CA10: variants seen among roughly 807,000 people sequenced by gnomAD.
CA10 encodes the protein carbonic anhydrase 10 (inactive).
Under a neutral mutation model 44.2 loss-of-function variants are expected in CA10, and 14 were observed. The ratio of observed to expected loss-of-function variants is 0.32; its 90% CI spans 0.21 to 0.50. CA10 has a LOEUF of 0.50. Ranked by LOEUF, CA10 falls within the 20% of genes least tolerant of loss-of-function variation. The probability of loss-of-function intolerance (pLI) is 0.99; values close to 1 mark genes in which losing one functional copy is unlikely to be tolerated. For synonymous variants in CA10, 159 were observed against 141.6 expected (o/e 1.12, Z -0.87); for missense variants, 350 against 409.7 (o/e 0.85, Z 1.26).
chr17:52,006,202 C>A (rs1598162617), intron 2 of CA10, among the ~76,000 whole-genome samples: 1 of 151,708 alleles, frequency 6.6e-6, no homozygotes, highest in African/African-American at 2.4e-5. Flanking sequence ...ACTAGCAGTT[C>A]CTACAGAAGG....
intron 2 of CA10, among the ~76,000 whole-genome samples, chr17:52,063,091 C>G (rs1003846367): frequency 4.7e-4 from 72 of 152,218 alleles, no homozygotes; most frequent in African/African-American, 1.6e-3. Context: ...TATTTTGGAG[C>G]TTTAAGATTT....
At chr17:51,913,509 A>G (rs551171504) in intron 3 of CA10, among the ~76,000 whole-genome samples, 2 of 152,054 alleles carry the variant, frequency 1.3e-5, no homozygotes, top group Non-Finnish European at 2.9e-5. Flanking sequence ...CTTCTGGGAA[A>G]CTCGAAAGAA....
intron 3 of CA10, among the ~76,000 whole-genome samples, chr17:51,863,876 G>T (rs911765141): frequency 1.4e-4 from 21 of 152,130 alleles, no homozygotes; most frequent in African/African-American, 4.8e-4. Context: ...CTGCCAACCG[G>T]GAAAGCTCAC....
At chr17:51,990,617 C>A (rs895472374) in intron 2 of CA10, among the ~76,000 whole-genome samples, 10 of 152,024 alleles carry the variant, frequency 6.6e-5, no homozygotes, top group African/African-American at 2.4e-4. Flanking sequence ...AATTAGTGAT[C>A]CTCTTTTCAG....
intron 3 of CA10, among the ~76,000 whole-genome samples, chr17:51,832,386 A>G (rs1386650035): frequency 6.6e-6 from 1 of 152,204 alleles, no homozygotes; most frequent in African/African-American, 2.4e-5. Context: ...GAGGTAGTTG[A>G]TACCATGTGT....
Position 51,836,121 on chromosome 17 carries a change from T to C in CA10, c.280-88303A>G, listed in dbSNP as rs1289716255. On this transcript the variant is annotated intron_variant, in intron 3 of 8. Transcript: ENST00000451037. ...TCATCAATATACCTGTCAGTGCAGGTTTATGTTTCCATACACACTTTTCAT... is the reference window on the plus strand; with the variant it reads ...TCATCAATATACCTGTCAGTGCAGGCTTATGTTTCCATACACACTTTTCAT... Among the ~76,000 whole-genome samples, 7 of 152,142 alleles carry C rather than the reference T, an allele frequency of 4.6e-5. No homozygotes were observed. In the East Asian group the frequency reaches 1.4e-3, roughly 29 times the overall value.
chr17:51,795,472 A>G (rs552696859), intron 3 of CA10, among the ~76,000 whole-genome samples: 9 of 152,352 alleles, frequency 5.9e-5, no homozygotes, highest in African/African-American at 1.9e-4. Flanking sequence ...AGAGAAAAGG[A>G]AACACATTTT....
At chr17:51,884,630 C>A (rs1341833557) in intron 3 of CA10, among the ~76,000 whole-genome samples, 3 of 152,178 alleles carry the variant, frequency 2.0e-5, no homozygotes, top group African/African-American at 7.2e-5. Flanking sequence ...TTCTTCATAG[C>A]ACTTAGTACA....
At chr17:51,794,397 G>A (rs1264356552) in intron 3 of CA10, among the ~76,000 whole-genome samples, 1 of 152,176 alleles carries the variant, frequency 6.6e-6, no homozygotes, top group Non-Finnish European at 1.5e-5. Flanking sequence ...GCTAATTGTG[G>A]TTGAGGTGGA....
At chr17:51,936,311 A>G (rs1346862932) in intron 2 of CA10, among the ~76,000 whole-genome samples, 2 of 152,116 alleles carry the variant, frequency 1.3e-5, no homozygotes, top group African/African-American at 4.8e-5. Flanking sequence ...CTATATGTCT[A>G]TCTGTGTAAA....
chr17:52,000,021 T>C (rs1356988932), intron 2 of CA10, among the ~76,000 whole-genome samples: 1 of 152,104 alleles, frequency 6.6e-6, no homozygotes, highest in Non-Finnish European at 1.5e-5. Context: ...TCTGGCTCTA[T>C]GGTGAAAATG....
chr17:51,742,214 G>C (rs1904493245), intron 4 of CA10, among the ~76,000 whole-genome samples: 1 of 152,188 alleles, frequency 6.6e-6, no homozygotes, highest in Admixed American at 6.5e-5. Context: ...TCAGAGTAGA[G>C]GGAGCAGCTT....
At chr17:52,037,525 T>A (rs1319447774) in intron 2 of CA10, among the ~76,000 whole-genome samples, 1 of 152,016 alleles carries the variant, frequency 6.6e-6, no homozygotes, top group Non-Finnish European at 1.5e-5. Flanking sequence ...GCATATAAGG[T>A]AAAAGGGGAT....
At chr17:52,065,064 T>C (rs1987496876) in intron 2 of CA10, among the ~76,000 whole-genome samples, 1 of 152,204 alleles carries the variant, frequency 6.6e-6, no homozygotes, top group Admixed American at 6.5e-5. Flanking sequence ...ATTTTGCACT[T>C]GTCACTTTGC....
chr17:51,946,342 A>G (rs2144025179), intron 2 of CA10, among the ~76,000 whole-genome samples: 1 of 152,306 alleles, frequency 6.6e-6, no homozygotes, highest in Non-Finnish European at 1.5e-5. Flanking sequence ...GACGTATGTT[A>G]ATTAACTTGA....
intron 4 of CA10, among the ~76,000 whole-genome samples, chr17:51,678,294 G>T (rs951983346): frequency 6.6e-6 from 1 of 152,118 alleles, no homozygotes; most frequent in Non-Finnish European, 1.5e-5. Context: ...GATAAATGTG[G>T]TTGCATAACA....
intron 4 of CA10, among the ~76,000 whole-genome samples, chr17:51,718,485 C>G (rs1916247708): frequency 6.6e-6 from 1 of 152,274 alleles, no homozygotes; most frequent in Non-Finnish European, 1.5e-5. Flanking sequence ...GGAGAGGGCA[C>G]AGAAGCTCCT....
intron 2 of CA10, among the ~76,000 whole-genome samples, chr17:52,004,928 A>G (rs1985546701): frequency 6.6e-6 from 1 of 151,944 alleles, no homozygotes; most frequent in African/African-American, 2.4e-5. Flanking sequence ...TCAGACATCC[A>G]AAGCTAGGTC....
intron 1 of CA10, among the ~76,000 whole-genome samples, chr17:52,108,502 G>A (rs1988717875): frequency 6.6e-6 from 1 of 151,422 alleles, no homozygotes; most frequent in Non-Finnish European, 1.5e-5. Context: ...TTCGAGACCA[G>A]CCTGACCAAC....
Sources: gnomAD v4.1 joint callset for allele counts (sites outside exome capture counted in the v4.1 genomes callset) on GRCh38, gnomAD v4.1.1 for gene constraint, MANE v1.5 for transcripts, NCBI Gene and HGNC (gene_info 2026-07-23, HGNC 2026-07-21) for gene names.